CNTN4: variants seen among roughly 807,000 people sequenced by gnomAD.
CNTN4 encodes the protein contactin-4.
A neutral mutation model predicts 122.5 loss-of-function variants in CNTN4; 77 were observed. The observed-to-expected ratio is 0.63, with a 90% CI of 0.52 to 0.76. The LOEUF is 0.76. Ranked by LOEUF, CNTN4 falls within the 30% of genes least tolerant of loss-of-function variation. The probability of loss-of-function intolerance (pLI) is 0.00; values close to 1 mark genes in which losing one functional copy is unlikely to be tolerated. For synonymous variants in CNTN4, 512 were observed against 447.0 expected (o/e 1.15, Z -1.83); for missense variants, 1,256 against 1,259.1 (o/e 1.00, Z 0.04).
chr3:2,720,158 G>A (rs1576563116), intron 4 of CNTN4, among the ~76,000 whole-genome samples: 1 of 152,120 alleles, frequency 6.6e-6, no homozygotes, highest in East Asian at 1.9e-4. Flanking sequence ...TTCATTATAG[G>A]GAATTTTTTG....
intron 7 of CNTN4, among the ~76,000 whole-genome samples, chr3:2,822,962 C>T (rs2092909664): frequency 6.6e-6 from 1 of 152,108 alleles, no homozygotes; most frequent in African/African-American, 2.4e-5. Context: ...GCAAAGCAGG[C>T]ACGGCTAAGA....
intron 13 of CNTN4, among the ~76,000 whole-genome samples, chr3:2,957,061 A>T (rs184588304): frequency 6.6e-6 from 1 of 152,276 alleles, no homozygotes; most frequent in East Asian, 1.9e-4. Context: ...GGTTGTTTCT[A>T]TATCTTGGCT....
chr3:2,437,545 T>C (rs1335321888), intron 3 of CNTN4, among the ~76,000 whole-genome samples: 1 of 152,100 alleles, frequency 6.6e-6, no homozygotes, highest in Non-Finnish European at 1.5e-5. Flanking sequence ...TTAAAAGCAA[T>C]TGAAAAAAGA....
intron 5 of CNTN4, among the ~76,000 whole-genome samples, chr3:2,742,265 A>G (rs1309560875): frequency 1.3e-5 from 2 of 152,084 alleles, no homozygotes; most frequent in Non-Finnish European, 2.9e-5. Flanking sequence ...TTCTCTTTTC[A>G]TTGTTTCCTG....
chr3:2,697,441 C>T (rs2086102120), intron 4 of CNTN4, among the ~76,000 whole-genome samples: 1 of 152,168 alleles, frequency 6.6e-6, no homozygotes, highest in Admixed American at 6.5e-5. Flanking sequence ...AAAATCCACC[C>T]TCAAACTTGT....
At chr3:2,468,339 G>C (rs984638758) in intron 3 of CNTN4, among the ~76,000 whole-genome samples, 1 of 152,100 alleles carries the variant, frequency 6.6e-6, no homozygotes, top group African/African-American at 2.4e-5. Flanking sequence ...TATGCTACCA[G>C]TGTATTTCTA....
At chr3:2,157,799 G>C (rs1049363519) in intron 2 of CNTN4, among the ~76,000 whole-genome samples, 4 of 152,140 alleles carry the variant, frequency 2.6e-5, no homozygotes, top group Non-Finnish European at 4.4e-5. Context: ...TGTTGCTCCT[G>C]ACTTCAAAAT....
In CNTN4 at chr3:2,915,210, C is replaced by T. The variant is rs547170855; in HGVS notation, c.1208-10419C>T. ...CCTCCCAAGTAGCTGGGATTACAGA[C>T]GCATGCCAACATGGCTGGCTAATTT... On this transcript the variant is annotated intron_variant, in intron 12 of 24. Transcript: ENST00000418658. 6.6e-5 allele frequency among the ~76,000 whole-genome samples: 10 copies of T among 152,252 alleles called. No individual in the cohort carries two copies. In the South Asian group the frequency reaches 1.2e-3, roughly 19 times the overall value.
At chr3:2,231,245 C>T (rs946351155) in intron 2 of CNTN4, among the ~76,000 whole-genome samples, 8 of 152,250 alleles carry the variant, frequency 5.3e-5, no homozygotes, top group Non-Finnish European at 8.8e-5. Flanking sequence ...TCAATAGTCA[C>T]ATCTGGCTAG....
At chr3:2,591,683 T>C (rs955086149) in intron 4 of CNTN4, among the ~76,000 whole-genome samples, 3 of 151,974 alleles carry the variant, frequency 2.0e-5, no homozygotes, top group Non-Finnish European at 2.9e-5. Context: ...CTTTTTAAAA[T>C]TGTAGCCTTC....
At chr3:2,435,842 T>C (rs2151240529) in intron 3 of CNTN4, among the ~76,000 whole-genome samples, 1 of 152,214 alleles carries the variant, frequency 6.6e-6, no homozygotes, top group East Asian at 1.9e-4. Flanking sequence ...CTATTTACTC[T>C]TATTTTCTTC....
intron 7 of CNTN4, among the ~76,000 whole-genome samples, chr3:2,831,188 G>A (rs753823828): frequency 6.6e-6 from 1 of 152,196 alleles, no homozygotes; most frequent in Admixed American, 6.5e-5. Context: ...ATGGCATTTT[G>A]TATGAGGGTA....
At chr3:2,975,508 C>T (rs1693337234) in intron 13 of CNTN4, among the ~76,000 whole-genome samples, 2 of 152,176 alleles carry the variant, frequency 1.3e-5, no homozygotes, top group South Asian at 4.1e-4. Context: ...TCAATGCAAG[C>T]AGCCAACAGC....
intron 4 of CNTN4, among the ~76,000 whole-genome samples, chr3:2,729,214 G>A (rs2088462234): frequency 6.6e-6 from 1 of 152,178 alleles, no homozygotes; most frequent in Non-Finnish European, 1.5e-5. Context: ...GAGTGATCTA[G>A]CACATAGAAC....
intron 3 of CNTN4, among the ~76,000 whole-genome samples, chr3:2,446,176 G>A (rs1184642146): frequency 1.3e-5 from 2 of 152,244 alleles, no homozygotes; most frequent in South Asian, 2.1e-4. Context: ...AGACCCTAGG[G>A]AAGGGCAGCA....
At position 2,385,608 on chromosome 3, in the gene CNTN4, C is replaced by T. The variant is rs2046222383; in HGVS notation, c.-89+46375C>T. On this transcript the variant is annotated intron_variant, in intron 3 of 24. Transcript: ENST00000418658. The surrounding 1 kb of genome is among the most constrained non-coding windows in gnomAD (Gnocchi z 4.0). The stretch of plus-strand genomic sequence containing the variant: ...ACCTCTAGGGGAGGGTCGCATCTCT[C>T]AGCTTCTGTTAGCCCCAGTTGTTCT... Among the ~76,000 whole-genome samples the T allele has an allele frequency of 6.6e-6, 1 of 152,086 alleles. No homozygotes were observed. Among genetic ancestry groups the T allele is most frequent in the South Asian group, 2.1e-4 (1 of 4,822 alleles).
chr3:2,434,250 C>T (rs879478235), intron 3 of CNTN4, among the ~76,000 whole-genome samples: 1 of 152,092 alleles, frequency 6.6e-6, no homozygotes, highest in Admixed American at 6.5e-5. Context: ...GATAACTTCA[C>T]ATTGTACCCC....
intron 7 of CNTN4, among the ~76,000 whole-genome samples, chr3:2,846,401 C>T (rs1056556686): frequency 2.0e-5 from 3 of 152,166 alleles, no homozygotes; most frequent in African/African-American, 4.8e-5. Context: ...ATGTTTACTT[C>T]CCCTACCACC....
intron 2 of CNTN4, among the ~76,000 whole-genome samples, chr3:2,202,045 A>G (rs2149392852): frequency 6.6e-6 from 1 of 152,250 alleles, no homozygotes; most frequent in East Asian, 1.9e-4. Context: ...GAAGCTCTTA[A>G]CTCATCTACT....
Sources: allele counts gnomAD v4.1 joint callset (sites outside exome capture counted in the v4.1 genomes callset), GRCh38; gene constraint gnomAD v4.1.1; non-coding constraint Gnocchi (gnomAD v3.1); transcripts MANE v1.5; gene names NCBI Gene and HGNC (gene_info 2026-07-23, HGNC 2026-07-21).